Variants in EPHA5 observed in about 807,000 individuals in gnomAD.
EPHA5 encodes the protein EPH receptor A5.
A neutral mutation model predicts 105.0 loss-of-function variants in EPHA5; 60 were observed. That is an observed-to-expected ratio of 0.57 (90% CI 0.46 to 0.71). The LOEUF is 0.71. Among genes scored for constraint, EPHA5 ranks in the 30% least tolerant of loss-of-function variants. The pLI is 0.00. For missense variants in EPHA5, 1,218 were observed against 1,274.7 expected (o/e 0.96, Z 0.68); for synonymous variants, 513 against 449.1 (o/e 1.14, Z -1.80).
intron 3 of EPHA5, among the ~76,000 whole-genome samples, chr4:65,561,943 A>G: frequency 6.6e-6 from 1 of 152,134 alleles, no homozygotes; most frequent in East Asian, 1.9e-4. Context: ...TTATACACTG[A>G]GACATTTCTA....
intron 3 of EPHA5, among the ~76,000 whole-genome samples, chr4:65,564,396 G>T (rs2149362454): frequency 6.6e-6 from 1 of 151,916 alleles, no homozygotes; most frequent in African/African-American, 2.4e-5. Context: ...TTAGGAGATT[G>T]TCAAAATTAC....
intron 5 of EPHA5, among the ~76,000 whole-genome samples, chr4:65,448,468 C>T (rs973382118): frequency 3.3e-5 from 5 of 151,866 alleles, no homozygotes; most frequent in African/African-American, 1.2e-4. Context: ...GCCAATATGG[C>T]GAAACCCCGT....
chr4:65,521,590 C>A (rs1734724668), intron 3 of EPHA5, among the ~76,000 whole-genome samples: 1 of 151,892 alleles, frequency 6.6e-6, no homozygotes, highest in Non-Finnish European at 1.5e-5. Context: ...TCCTACTATG[C>A]TTTTTTCTAA....
chr4:65,427,520 A>T lies in EPHA5; in HGVS notation c.1403-6955T>A, dbSNP rs557550372. Reference sequence around the variant, plus strand: ...TAAGATAAAATATATTCCTTCAGTAAAGAACAGATTTTTGAAATGATGAAA... The same window carrying T: ...TAAGATAAAATATATTCCTTCAGTATAGAACAGATTTTTGAAATGATGAAA... On this transcript the variant is annotated intron_variant, in intron 5 of 16. Coordinates refer to ENST00000613740, the MANE Select transcript of EPHA5 (RefSeq NM_001281766.3). 1.8e-4 allele frequency among the ~76,000 whole-genome samples: 27 copies of T among 152,242 alleles called. 1 individual carries two copies. In the South Asian group the frequency reaches 5.6e-3, roughly 32 times the overall value.
At chr4:65,381,526 T>A (rs1175487547) in intron 8 of EPHA5, among the ~76,000 whole-genome samples, 1 of 151,614 alleles carries the variant, frequency 6.6e-6, no homozygotes, top group Non-Finnish European at 1.5e-5. Context: ...AGGCCATGAG[T>A]TTTTAAGTGA....
chr4:65,455,865 A>T (rs187002502), intron 5 of EPHA5, among the ~76,000 whole-genome samples: 4 of 152,312 alleles, frequency 2.6e-5, no homozygotes, highest in Admixed American at 6.5e-5. Flanking sequence ...AATTCTGAAG[A>T]GTTATTAACA....
At chr4:65,439,442 C>G (rs780914431) in intron 5 of EPHA5, among the ~76,000 whole-genome samples, 1 of 151,174 alleles carries the variant, frequency 6.6e-6, no homozygotes, top group Non-Finnish European at 1.5e-5. Context: ...ACACCACCCC[C>G]CGCTGCCCCA....
chr4:65,398,663 G>C (rs993834054), intron 8 of EPHA5, among the ~76,000 whole-genome samples: 1 of 152,200 alleles, frequency 6.6e-6, no homozygotes, highest in Non-Finnish European at 1.5e-5. Flanking sequence ...GACTCAGCCA[G>C]ACTGGGGAGA....
At position 65,353,118 on chromosome 4, in the gene EPHA5, G is replaced by A. The variant is rs2148860820; in HGVS notation, c.2174-15C>T. The A allele has an allele frequency of 6.5e-7, 1 of 1,537,108 alleles. No homozygotes were observed. The highest frequency in any genetic ancestry group is 1.7e-4 in the Middle Eastern group (1 of 5,810). On this transcript the variant is annotated splice_polypyrimidine_tract_variant and intron_variant, in intron 11 of 16. Transcript: ENST00000613740. ...CACTGGTTTACCTGAAAAGAAAACA[G>A]AGTGATATAACCTGCTGCTCTTCGA...
intron 5 of EPHA5, among the ~76,000 whole-genome samples, chr4:65,462,519 G>A (rs1233834275): frequency 1.3e-5 from 2 of 152,110 alleles, no homozygotes; most frequent in Non-Finnish European, 2.9e-5. Context: ...GACTAGCTGG[G>A]CACTAGGCTT....
intron 2 of EPHA5, among the ~76,000 whole-genome samples, chr4:65,602,632 G>T (rs1743850134): frequency 1.3e-5 from 2 of 151,964 alleles, no homozygotes; most frequent in Admixed American, 6.6e-5. Context: ...CGTGGGTGAG[G>T]TTAACAAAAT....
At chr4:65,553,984 A>G (rs964219242) in intron 3 of EPHA5, among the ~76,000 whole-genome samples, 1 of 151,880 alleles carries the variant, frequency 6.6e-6, no homozygotes, top group African/African-American at 2.4e-5. Context: ...TAAGTCTCCA[A>G]ATTTAATTAC....
At chr4:65,599,829 T>C (rs551622657) in intron 3 of EPHA5, among the ~76,000 whole-genome samples, 1 of 152,306 alleles carries the variant, frequency 6.6e-6, no homozygotes, top group South Asian at 2.1e-4. Context: ...TGCTAACACT[T>C]GCACTAAGAC....
chr4:65,532,386 T>G (rs1560658231), intron 3 of EPHA5, among the ~76,000 whole-genome samples: 1 of 151,898 alleles, frequency 6.6e-6, no homozygotes, highest in Admixed American at 6.6e-5. Flanking sequence ...TTAGTAATAT[T>G]ATAATCTCTA....
intron 3 of EPHA5, among the ~76,000 whole-genome samples, chr4:65,526,264 A>G (rs2149291130): frequency 6.6e-6 from 1 of 151,996 alleles, no homozygotes; most frequent in East Asian, 1.9e-4. Flanking sequence ...ACATAACGTG[A>G]CTATGCCAAA....
chr4:65,545,587 A>G (rs1373831171), intron 3 of EPHA5, among the ~76,000 whole-genome samples: 1 of 151,962 alleles, frequency 6.6e-6, no homozygotes, highest in Non-Finnish European at 1.5e-5. Flanking sequence ...ATAATAGGAC[A>G]CAGATGAAAT....
chr4:65,578,247 C>T (rs949481379), intron 3 of EPHA5, among the ~76,000 whole-genome samples: 9 of 151,988 alleles, frequency 5.9e-5, no homozygotes, highest in Non-Finnish European at 8.8e-5. Context: ...TGTCAGGGGG[C>T]GGGGCATACA....
chr4:65,367,420 A>G lies in EPHA5; in HGVS notation c.1798T>C (p.Cys600Arg). The stretch of plus-strand genomic sequence containing the variant: ...TCTTGTTTTGCTTTGCTGTAGCCAC[A>G]CCGCCTGGAACAAAGTAAGCTAGAA... ...VIGVLLSGRRCGYSKAKQDPE... is the reference protein window; with the variant it reads ...VIGVLLSGRRRGYSKAKQDPE... The change falls in exon 9 of 17, where the codon TGT becomes CGT. Residue 600 changes from cysteine (C) to arginine (R), a missense_variant. By Grantham distance (180) the Cys-to-Arg change is radical. Coordinates refer to ENST00000613740, the MANE Select transcript of EPHA5 (RefSeq NM_001281766.3). 6.2e-7 allele frequency: 1 copy of G among 1,612,068 alleles called. No homozygotes were observed. Among genetic ancestry groups the G allele is most frequent in the Non-Finnish European group, 8.5e-7 (1 of 1,179,098 alleles).
At chr4:65,516,529 A>G (rs1734119999) in intron 3 of EPHA5, among the ~76,000 whole-genome samples, 1 of 151,956 alleles carries the variant, frequency 6.6e-6, no homozygotes, top group South Asian at 2.1e-4. Flanking sequence ...ACCCTTGTCC[A>G]AGGGTCAACT....
Sources: gnomAD v4.1 joint callset for allele counts (sites outside exome capture counted in the v4.1 genomes callset) on GRCh38, gnomAD v4.1.1 for gene constraint, MANE v1.5 for transcripts, NCBI Gene and HGNC (gene_info 2026-07-23, HGNC 2026-07-21) for gene names.